OR5M1: variants seen among roughly 807,000 people sequenced by gnomAD.
The protein encoded by OR5M1 is olfactory receptor family 5 subfamily M member 1, also known as olfactory receptor 5M1.
For synonymous variants in OR5M1, 165 were observed against 144.2 expected (o/e 1.14, Z -1.04); for missense variants, 367 against 379.5 (o/e 0.97, Z 0.27).
rs1308617719 is a variant in OR5M1 at position 56,611,106 on chromosome 11, C to T, written c.*1449G>A. ...CCCCACCGATGAAATGATGCTGGCC[C>T]TCAAAAAGGAAGTGAGGACTCTGTG... On this transcript the variant is annotated 3_prime_UTR_variant, in exon 2 of 2. Transcript: ENST00000641076. The T allele has an allele frequency of 6.7e-6, 1 of 150,294 alleles. No homozygotes were observed. Among genetic ancestry groups the T allele is most frequent in the African/African-American group, 2.4e-5 (1 of 41,312 alleles). The allele number at this position is 150,294 out of a possible 1,614,324, so 9.3% of individuals were successfully genotyped here.
Position 56,610,482 on chromosome 11 carries a change from T to C in OR5M1, c.*2073A>G, listed in dbSNP as rs1407066804. 5 of 152,072 alleles carry C rather than the reference T, an allele frequency of 3.3e-5. No homozygotes were observed. Among genetic ancestry groups the C allele is most frequent in the Admixed American group, 3.3e-4 (5 of 15,228 alleles). 9.4% of individuals were successfully genotyped at this position (152,072 alleles called of 1,614,324 possible). The stretch of plus-strand genomic sequence containing the variant: ...TCTTTAATAACAACTACAGTATGAA[T>C]TAGAAAGAGAGAGAATTTGAAACCA... On this transcript the variant is annotated 3_prime_UTR_variant, in exon 2 of 2. Transcript: ENST00000641076.
intron 1 of OR5M1, among the ~76,000 whole-genome samples, 191 bp downstream of exon 1, chr11:56,614,666 C>T (rs1853724307): frequency 6.6e-6 from 1 of 151,916 alleles, no homozygotes; most frequent in Non-Finnish European, 1.5e-5. Flanking sequence ...ATCAAAAGAG[C>T]TTACATATAA....
intron 1 of OR5M1, among the ~76,000 whole-genome samples, chr11:56,614,023 A>G (rs1032895633): frequency 6.6e-6 from 1 of 152,174 alleles, no homozygotes; most frequent in Non-Finnish European, 1.5e-5. Context: ...TTCAATTAAG[A>G]CCCATAGCTG....
rs1853654020 is a variant in OR5M1, at chr11:56,609,875, T to C, written c.*2680A>G. The C allele has an allele frequency of 6.6e-6, 1 of 152,022 alleles. No homozygotes were observed. Among genetic ancestry groups the C allele is most frequent in the South Asian group, 2.1e-4 (1 of 4,838 alleles). The allele number at this position is 152,022 out of a possible 1,614,324, so 9.4% of individuals were successfully genotyped here. The stretch of plus-strand genomic sequence containing the variant: ...AGTTTTCTACAATTGATATGTATTA[T>C]TATTGTATTAAGGTCATATGATCTA... On this transcript the variant is annotated 3_prime_UTR_variant, in exon 2 of 2. Transcript: ENST00000641076.
Position 56,613,522 on chromosome 11 carries a change from G to C in OR5M1, c.-17-3C>G, listed in dbSNP as rs1447751366. On this transcript the variant is annotated splice_polypyrimidine_tract_variant and splice_region_variant and intron_variant, in intron 1 of 1. Transcript: ENST00000641076. ...GAACATCTTCTTATCTCTTGAAACT[G>C]AAAGTGACAAAGAATGTGAGGATTT... The C allele has an allele frequency of 1.3e-6, 2 of 1,593,458 alleles. No individual in the cohort carries two copies. The highest frequency in any genetic ancestry group is 2.2e-5 in the South Asian group (2 of 90,068).
chr11:56,613,804 C>T lies in OR5M1; in HGVS notation c.-17-285G>A, dbSNP rs929562512. Among the ~76,000 whole-genome samples the T allele has an allele frequency of 7.2e-5, 11 of 152,124 alleles. No individual in the cohort carries two copies. The South Asian group carries it at 1.2e-3, about 17-fold the overall frequency. The stretch of plus-strand genomic sequence containing the variant: ...AGTTTATTCATTCCTACATTTATAC[C>T]TGTCTTCTTGGTGTACTCCACATTT... On this transcript the variant is annotated intron_variant, in intron 1 of 1. Transcript: ENST00000641076.
intron 1 of OR5M1, 119 bp from the exon 2 acceptor site, chr11:56,613,638 A>G (rs1296967164): frequency 5.0e-6 from 4 of 799,448 alleles, no homozygotes; most frequent in African/African-American, 3.5e-5. Context: ...TCTTGTTTCA[A>G]TAATCACATC....
In OR5M1 at chr11:56,613,142, C is replaced by A. The variant is rs772712279; in HGVS notation, c.361G>T (p.Asp121Tyr). 6.2e-7 allele frequency: 1 copy of A among 1,613,784 alleles called. No homozygotes were observed. The highest frequency in any genetic ancestry group is 8.5e-7 in the Non-Finnish European group (1 of 1,179,826). ...GGGCTGCAAATGGCTACATAGCGAT[C>A]CAATGCCATTGAAGCAAGGATGTAA... The part of the protein sequence containing the change: ...EFYILASMAL[D>Y]RYVAICSPLH... The change falls in exon 2 of 2, where the codon GAT becomes TAT. Residue 121 changes from aspartate (D) to tyrosine (Y), a missense_variant. Coordinates refer to ENST00000641076, the MANE Select transcript of OR5M1 (RefSeq NM_001004740.2).
chr11:56,612,386 G>C lies in OR5M1; in HGVS notation c.*169C>G. On this transcript the variant is annotated 3_prime_UTR_variant, in exon 2 of 2. Coordinates refer to ENST00000641076, the MANE Select transcript of OR5M1 (RefSeq NM_001004740.2). Reference sequence around the variant, plus strand: ...AACATTTTAAATTTCTCAACATTAAGGCTTTTATTTCTAAGAAATCAATCT... The same window carrying C: ...AACATTTTAAATTTCTCAACATTAACGCTTTTATTTCTAAGAAATCAATCT... The C allele has an allele frequency of 2.2e-6, 1 of 454,560 alleles. No individual in the cohort carries two copies. Among genetic ancestry groups the C allele is most frequent in the Non-Finnish European group, 3.9e-6 (1 of 256,356 alleles). 28.2% of individuals were successfully genotyped at this position (454,560 alleles called of 1,614,324 possible).
In OR5M1 at chr11:56,613,220, C is replaced by G. The variant is rs767654423; in HGVS notation, c.283G>C (p.Ala95Pro). The G allele has an allele frequency of 6.2e-7, 1 of 1,613,620 alleles. No homozygotes were observed. Among genetic ancestry groups the G allele is most frequent in the East Asian group, 2.2e-5 (1 of 44,874 alleles). The part of the protein sequence containing the change: ...FLSEQKTISY[A>P]GCFTQCLLFI... ...AGAAGACACTGTGTGAAGCATCCAGCGTAGGAGATGGTCTTCTGTTCTGAG... is the reference window on the plus strand; with the variant it reads ...AGAAGACACTGTGTGAAGCATCCAGGGTAGGAGATGGTCTTCTGTTCTGAG... Residue 95 changes from alanine (A) to proline (P), a missense_variant, in exon 2 of 2, where the codon GCT becomes CCT. Physicochemically the swap from Ala to Pro is conservative, Grantham distance 27. Transcript: ENST00000641076.
rs1383687938 is a variant in OR5M1 at position 56,611,067 on chromosome 11, A to G, written c.*1488T>C. 1 of 152,116 alleles carries G rather than the reference A, an allele frequency of 6.6e-6. No homozygotes were observed. The highest frequency in any genetic ancestry group is 2.4e-5 in the African/African-American group (1 of 41,454). 9.4% of individuals were successfully genotyped at this position (152,116 alleles called of 1,614,324 possible). A position where few individuals can be genotyped will look rare whatever the true frequency, so the allele number is the denominator to read the frequency against. On this transcript the variant is annotated 3_prime_UTR_variant, in exon 2 of 2. Coordinates refer to ENST00000641076, the MANE Select transcript of OR5M1 (RefSeq NM_001004740.2). Reference sequence around the variant, plus strand: ...TGCCTAATAGATGGAAATTTCTCATAAAATAAAGAAATACCCCACCGATGA... The same window carrying G: ...TGCCTAATAGATGGAAATTTCTCATGAAATAAAGAAATACCCCACCGATGA...
At chr11:56,614,364 G>A (rs911811975) in intron 1 of OR5M1, among the ~76,000 whole-genome samples, 4 of 152,142 alleles carry the variant, frequency 2.6e-5, no homozygotes, top group Non-Finnish European at 4.4e-5. Context: ...AATGTAGGAT[G>A]CTTTTAGATG....
Position 56,613,041 on chromosome 11 carries a change from A to T in OR5M1, c.462T>A (p.Leu154=), listed in dbSNP as rs758301319. The T allele has an allele frequency of 1.9e-6, 3 of 1,613,156 alleles. No homozygotes were observed. Among genetic ancestry groups the T allele is most frequent in the Middle Eastern group, 1.6e-4 (1 of 6,084 alleles). ...TTAGCAGTGACTGAGAGAACCCACT[A>T]AGAAACCCATACATGTAAGGGATAG... ...LVTIPYMYGF[L]SGFSQSLLTF... Residue 154 remains leucine, a synonymous_variant, in exon 2 of 2, where the codon CTT becomes CTA. Coordinates refer to ENST00000641076, the MANE Select transcript of OR5M1 (RefSeq NM_001004740.2).
rs1853659557 is a variant in OR5M1, at chr11:56,610,252, T to C, written c.*2303A>G. The C allele has an allele frequency of 6.6e-6, 1 of 152,016 alleles. No individual in the cohort carries two copies. The highest frequency in any genetic ancestry group is 1.5e-5 in the Non-Finnish European group (1 of 67,946). 9.4% of individuals were successfully genotyped at this position (152,016 alleles called of 1,614,324 possible). ...ATATATGTCTTCTGTATATCAAAATTTTCTCCCTTCACATGGACGTTAAGA... is the reference window on the plus strand; with the variant it reads ...ATATATGTCTTCTGTATATCAAAATCTTCTCCCTTCACATGGACGTTAAGA... On this transcript the variant is annotated 3_prime_UTR_variant, in exon 2 of 2. Coordinates refer to ENST00000641076, the MANE Select transcript of OR5M1 (RefSeq NM_001004740.2).
chr11:56,612,680 C>A lies in OR5M1; in HGVS notation c.823G>T (p.Ala275Ser), dbSNP rs963444775. 1.2e-6 allele frequency: 2 copies of A among 1,613,802 alleles called. No individual in the cohort carries two copies. ...GGGCTCAAAAAAGTATAAAAGACTG[C>A]AGTTATTTTGGACTCCTCTACAGAC... ...EKSVEESKIT[A>S]VFYTFLSPML... is the part of the protein sequence containing the mutation. Residue 275 changes from alanine (A) to serine (S), a missense_variant, in exon 2 of 2, where the codon GCA (alanine) becomes TCA (serine). Coordinates refer to ENST00000641076, the MANE Select transcript of OR5M1 (RefSeq NM_001004740.2).
rs962835797 is a variant in OR5M1, at chr11:56,612,296, T to C, written c.*259A>G. On this transcript the variant is annotated 3_prime_UTR_variant, in exon 2 of 2. Transcript: ENST00000641076. The stretch of plus-strand genomic sequence containing the variant: ...TACCCACCCCCCAAGTAAGTAAACA[T>C]AGTATTTTCATATAGAATTATTAGA... 1.7e-5 allele frequency: 4 copies of C among 240,080 alleles called. No homozygotes were observed. Among genetic ancestry groups the C allele is most frequent in the African/African-American group, 4.5e-5 (2 of 44,278 alleles). 14.9% of individuals were successfully genotyped at this position (240,080 alleles called of 1,614,324 possible).
At chr11:56,613,761 T>C (rs900034160) in intron 1 of OR5M1, among the ~76,000 whole-genome samples, 1 of 152,212 alleles carries the variant, frequency 6.6e-6, no homozygotes, top group African/African-American at 2.4e-5. Context: ...CTCTCTGCCA[T>C]ACATGTATAC....
intron 1 of OR5M1, among the ~76,000 whole-genome samples, chr11:56,614,210 C>G (rs1474014064): frequency 6.6e-6 from 1 of 152,120 alleles, no homozygotes; most frequent in Non-Finnish European, 1.5e-5. Flanking sequence ...GCGGTTACTA[C>G]AGTAAACAAG....
chr11:56,613,062 G>A lies in OR5M1; in HGVS notation c.441C>T (p.Ile147=). The A allele has an allele frequency of 8.7e-6, 14 of 1,608,932 alleles. No homozygotes were observed. Among genetic ancestry groups the A allele is most frequent in the Non-Finnish European group, 1.2e-5 (14 of 1,176,728 alleles). The change falls in exon 2 of 2, where the codon ATC becomes ATT. Residue 147 remains isoleucine, a synonymous_variant. Coordinates refer to ENST00000641076, the MANE Select transcript of OR5M1 (RefSeq NM_001004740.2). ...SKNICVCLVT[I]PYMYGFLSGF... ...CACTAAGAAACCCATACATGTAAGG[G>A]ATAGTGACCAGACAGACACAGATGT...
Sources: gnomAD v4.1 joint callset for allele counts (sites outside exome capture counted in the v4.1 genomes callset) on GRCh38, gnomAD v4.1.1 for gene constraint, MANE v1.5 for transcripts, NCBI Gene and HGNC (gene_info 2026-07-23, HGNC 2026-07-21) for gene names.